The following TTC6 variants were observed in gnomAD, a reference collection of about 807,000 sequenced individuals.
TTC6 encodes the protein tetratricopeptide repeat protein 6.
A neutral mutation model predicts 210.4 loss-of-function variants in TTC6; 172 were observed. The observed-to-expected ratio is 0.82, with a 90% CI of 0.72 to 0.93. The LOEUF is 0.93. Ranked by LOEUF, TTC6 falls within the 40% of genes least tolerant of loss-of-function variation. TTC6 has a pLI of 0.00. For missense variants in TTC6, 2,414 were observed against 2,318.1 expected (o/e 1.04, Z -0.85); for synonymous variants, 804 against 819.6 (o/e 0.98, Z 0.32).
intron 2 of TTC6, among the ~76,000 whole-genome samples, chr14:37,608,195 T>A (rs1013037626): frequency 2.0e-5 from 3 of 152,354 alleles, no homozygotes; most frequent in Admixed American, 6.5e-5. Flanking sequence ...CATTTCAATT[T>A]TATTTTTAAA....
intron 1 of TTC6, among the ~76,000 whole-genome samples, chr14:37,628,267 C>G (rs114297375): frequency 0.025 from 3,755 of 152,214 alleles, 173 homozygotes; most frequent in African/African-American, 0.085. Context: ...GCCACTGTGC[C>G]TGGCCTGTTT....
At chr14:37,823,877 G>A in exon 27 of TTC6, 3 of 1,613,974 alleles carry the variant, frequency 1.9e-6, no homozygotes, top group South Asian at 1.1e-5. Context: ...CACCAAGCAA[G>A]CACAGAAAGA....
chr14:37,699,206 T>G (rs1195994670), intron 4 of TTC6, among the ~76,000 whole-genome samples: 2 of 152,132 alleles, frequency 1.3e-5, no homozygotes, highest in East Asian at 3.9e-4. Context: ...GACAAAAGAG[T>G]AGACAGCACT....
chr14:37,749,146 A>G (rs2095944588), exon 11 of TTC6: 9 of 1,535,548 alleles, frequency 5.9e-6, no homozygotes, highest in Non-Finnish European at 7.8e-6. Flanking sequence ...GCATACCTGT[A>G]AAAGAGAAAG....
At chr14:37,763,003 G>A (rs2095989091) in intron 14 of TTC6, among the ~76,000 whole-genome samples, 1 of 150,586 alleles carries the variant, frequency 6.6e-6, no homozygotes, top group East Asian at 2.0e-4. Flanking sequence ...TCCTGCCTCA[G>A]CCTCCGGAGT....
chr14:37,727,512 CT>C lies in TTC6; in HGVS notation c.1818+2512del, dbSNP rs2095875831. On this transcript the variant is annotated intron_variant, in intron 7 of 30. Coordinates refer to ENST00000553443, the Ensembl canonical transcript of TTC6. ...GTTTCACTGTTTTAGCTAGGATGGT[CT>C]TGATCTCCTGACCTTGTGATCCGCC... is the stretch of plus-strand genomic sequence containing the variant. 3.1e-5 allele frequency among the ~76,000 whole-genome samples: 4 copies of C among 130,522 alleles called. 1 individual carries two copies. The Middle Eastern group carries it at 0.015, about 487-fold the overall frequency. 85.6% of individuals were successfully genotyped at this position (130,522 alleles called of 152,430 possible).
chr14:37,810,375 T>C (rs1442269526), intron 24 of TTC6, among the ~76,000 whole-genome samples: 1 of 152,194 alleles, frequency 6.6e-6, no homozygotes. Context: ...AGTGCCCTGT[T>C]AATTAAGAAA....
chr14:37,648,372 G>C (rs2095705412), intron 1 of TTC6, among the ~76,000 whole-genome samples: 1 of 152,068 alleles, frequency 6.6e-6, no homozygotes, highest in Non-Finnish European at 1.5e-5. Flanking sequence ...TCTTTAATCT[G>C]TTACTGTGAT....
chr14:37,728,158 T>G (rs1319189), intron 7 of TTC6, among the ~76,000 whole-genome samples: 76,024 of 150,212 alleles, frequency 0.51, 19,708 homozygotes, highest in East Asian at 0.62. Context: ...AAGTAGTAGG[T>G]GCTCAAATAA....
At position 37,725,009 on chromosome 14, in the gene TTC6, T is replaced by A. The variant is rs181407904; in HGVS notation, c.1818+7T>A. The A allele has an allele frequency of 5.4e-4, 767 of 1,428,014 alleles. 8 individuals carry two copies. The African/African-American group carries it at 9.8e-3, about 18-fold the overall frequency. The allele number at this position is 1,428,014 out of a possible 1,614,324, so 88.5% of individuals were successfully genotyped here. A position where few individuals can be genotyped will look rare whatever the true frequency, so the allele number is the denominator to read the frequency against. ...TCTATATCCAAAATATGAGGTAACA[T>A]ACCGAATGGGTTTTCTCTATTATTG... is the stretch of plus-strand genomic sequence containing the variant. On this transcript the variant is annotated splice_region_variant and intron_variant, in intron 7 of 30. Transcript: ENST00000553443.
intron 7 of TTC6, among the ~76,000 whole-genome samples, chr14:37,727,141 A>G (rs1053570645): frequency 6.6e-6 from 1 of 151,984 alleles, no homozygotes; most frequent in Admixed American, 6.6e-5. Flanking sequence ...TCAACCAGAA[A>G]AACACATGAG....
At chr14:37,625,750 G>C (rs1171250393) in intron 1 of TTC6, among the ~76,000 whole-genome samples, 3 of 152,134 alleles carry the variant, frequency 2.0e-5, no homozygotes, top group African/African-American at 7.2e-5. Context: ...GCAATCCCTA[G>C]AGGGAAGCTG....
chr14:37,763,678 G>A lies in TTC6; in HGVS notation c.3266+10443G>A, dbSNP rs895547465. ...GTTCACACTTTCATTTCTTATTTTC[G>A]TAATTTGAGTCATCTTTTCTTCTTA... On this transcript the variant is annotated intron_variant, in intron 14 of 30. Transcript: ENST00000553443. 5.9e-5 allele frequency among the ~76,000 whole-genome samples: 9 copies of A among 151,816 alleles called. 1 individual carries two copies. The highest frequency in any genetic ancestry group is 3.9e-4 in the East Asian group (2 of 5,146).
At chr14:37,840,075 C>T (rs943402395) in intron 29 of TTC6, among the ~76,000 whole-genome samples, 13 of 151,762 alleles carry the variant, frequency 8.6e-5, no homozygotes, top group African/African-American at 1.5e-4. Context: ...AGTCAGGTAG[C>T]GTGATGCCTC....
intron 14 of TTC6, among the ~76,000 whole-genome samples, chr14:37,783,990 G>C (rs1406292526): frequency 1.3e-5 from 2 of 152,200 alleles, no homozygotes; most frequent in Non-Finnish European, 2.9e-5. Flanking sequence ...ACTGTGGTCT[G>C]AGAGACAGTT....
intron 2 of TTC6, among the ~76,000 whole-genome samples, chr14:37,609,971 T>C (rs2095631604): frequency 6.6e-6 from 1 of 152,234 alleles, no homozygotes; most frequent in Admixed American, 6.5e-5. Flanking sequence ...TTCTGCAGAA[T>C]GCTTCTCATC....
intron 14 of TTC6, among the ~76,000 whole-genome samples, chr14:37,768,750 A>G (rs1450091975): frequency 2.6e-5 from 4 of 152,112 alleles, no homozygotes; most frequent in African/African-American, 9.7e-5. Flanking sequence ...TCTGCAAAGA[A>G]GGACAATTTG....
At chr14:37,659,863 T>G (rs1431427648) in intron 1 of TTC6, among the ~76,000 whole-genome samples, 1 of 148,906 alleles carries the variant, frequency 6.7e-6, no homozygotes, top group Non-Finnish European at 1.5e-5. Flanking sequence ...GGTTAGTAAA[T>G]TTTTTTTCAT....
rs1322326423 is a variant in TTC6, at chr14:37,800,320, A to C, written c.4029+3373A>C. 2.6e-5 allele frequency among the ~76,000 whole-genome samples: 4 copies of C among 152,330 alleles called. No individual in the cohort carries two copies. The East Asian group carries it at 7.7e-4, about 29-fold the overall frequency. The stretch of plus-strand genomic sequence containing the variant: ...ACTAATAATTCAGGAGCCTGGATAT[A>C]CAGCTAAGATAATTTCCAAGCAAGG... On this transcript the variant is annotated intron_variant, in intron 20 of 30. Transcript: ENST00000553443.
Sources: gnomAD v4.1 joint callset for allele counts (sites outside exome capture counted in the v4.1 genomes callset) on GRCh38, gnomAD v4.1.1 for gene constraint, MANE v1.5 for transcripts, NCBI Gene and HGNC (gene_info 2026-07-23, HGNC 2026-07-21) for gene names.